Variants in KGD4 observed in about 807,000 individuals in gnomAD.
KGD4 encodes alpha-ketoglutarate dehydrogenase subunit 4, also known as alpha-ketoglutarate dehydrogenase component 4.
the KGD4 span, among the ~76,000 whole-genome samples, chr5:69,222,072 T>A: frequency 6.9e-6 from 1 of 144,012 alleles, no homozygotes; most frequent in Non-Finnish European, 1.5e-5. Flanking sequence ...AACTTACAAA[T>A]GGTTTATTCA....
chr5:69,225,154 G>C, the KGD4 span, among the ~76,000 whole-genome samples: 2 of 151,308 alleles, frequency 1.3e-5, no homozygotes, highest in African/African-American at 4.8e-5. Context: ...GCCCAGGCTG[G>C]AGTGCAGTGG....
At chr5:69,222,444 G>T in the KGD4 span, among the ~76,000 whole-genome samples, 2 of 152,190 alleles carry the variant, frequency 1.3e-5, no homozygotes, top group African/African-American at 2.4e-5. Context: ...GGAGCAATGG[G>T]TACATAAGAC....
chr5:69,226,197 C>T, the KGD4 span: 1 of 616,264 alleles, frequency 1.6e-6, no homozygotes, highest in Non-Finnish European at 2.9e-6. Flanking sequence ...ATTCATAGAC[C>T]AGCTTTCCTG....
At chr5:69,218,195 T>C in the KGD4 span, 1 of 366,378 alleles carries the variant, frequency 2.7e-6, no homozygotes, top group Non-Finnish European at 5.0e-6. Flanking sequence ...GAGGCGACCC[T>C]GGCGGTAGCC....
chr5:69,222,851 A>C, the KGD4 span, among the ~76,000 whole-genome samples: 23,028 of 151,174 alleles, frequency 0.15, 1,892 homozygotes, highest in African/African-American at 0.21. Context: ...CAGTGGCTCG[A>C]TCTCGGACTT....
At chr5:69,225,732 C>T in the KGD4 span, among the ~76,000 whole-genome samples, 1 of 152,032 alleles carries the variant, frequency 6.6e-6, no homozygotes, top group African/African-American at 2.4e-5. Flanking sequence ...AGGCACGCAT[C>T]ACCATGCCCA....
At chr5:69,226,231 G>T in the KGD4 span, 29 of 746,818 alleles carry the variant, frequency 3.9e-5, no homozygotes, top group East Asian at 7.0e-4. Flanking sequence ...ATAATTTAAA[G>T]TTGCTGTAAA....
chr5:69,221,213 G>A, the KGD4 span, among the ~76,000 whole-genome samples: 1 of 151,228 alleles, frequency 6.6e-6, no homozygotes, highest in Non-Finnish European at 1.5e-5. Flanking sequence ...AAATTAGCCA[G>A]GCAGGAGGGG....
the KGD4 span, among the ~76,000 whole-genome samples, chr5:69,222,222 A>T: frequency 6.6e-6 from 1 of 152,054 alleles, no homozygotes; most frequent in African/African-American, 2.4e-5. Context: ...CTCTGAAAAC[A>T]TAAGGAGAGT....
At chr5:69,219,819 G>C in the KGD4 span, among the ~76,000 whole-genome samples, 6 of 152,036 alleles carry the variant, frequency 3.9e-5, no homozygotes, top group African/African-American at 1.4e-4. Context: ...AGCAAGACCT[G>C]GTCTCGAAAA....
At chr5:69,220,767 AAGAG>A in the KGD4 span, among the ~76,000 whole-genome samples, 2 of 152,284 alleles carry the variant, frequency 1.3e-5, no homozygotes, top group African/African-American at 2.4e-5. Context: ...GGGGAAAAGA[AAGAG>A]AGATCAGATT....
the KGD4 span, among the ~76,000 whole-genome samples, chr5:69,219,056 C>A: frequency 6.6e-6 from 1 of 152,254 alleles, no homozygotes; most frequent in African/African-American, 2.4e-5. Flanking sequence ...TTAAAAGGTG[C>A]TCAATATCAT....
chr5:69,218,228 G>A, the KGD4 span: 1 of 280,450 alleles, frequency 3.6e-6, no homozygotes, highest in Non-Finnish European at 6.7e-6. Context: ...GTCTAGGATT[G>A]GCTGTGGTGC....
At chr5:69,220,714 T>C in the KGD4 span, among the ~76,000 whole-genome samples, 1 of 150,622 alleles carries the variant, frequency 6.6e-6, no homozygotes, top group East Asian at 2.0e-4. Flanking sequence ...GAACGGGCCA[T>C]GATGACGATG....
chr5:69,226,284 A>T, the KGD4 span: 16 of 1,252,816 alleles, frequency 1.3e-5, no homozygotes, highest in African/African-American at 1.5e-5. Context: ...GGTTTAGTAG[A>T]TCATTTCTTT....
the KGD4 span, among the ~76,000 whole-genome samples, chr5:69,225,037 G>A: frequency 2.7e-5 from 4 of 148,646 alleles, no homozygotes; most frequent in Non-Finnish European, 4.5e-5. Context: ...TCGTGCCGCT[G>A]CACTCCAGCC....
At chr5:69,228,539 G>T in the KGD4 span, 1 of 690,914 alleles carries the variant, frequency 1.4e-6, no homozygotes. Flanking sequence ...AAGACTATGA[G>T]AAAGAAACCA....
At chr5:69,229,271 A>G in the KGD4 span, 1 of 1,544,850 alleles carries the variant, frequency 6.5e-7, no homozygotes, top group Non-Finnish European at 8.9e-7. Context: ...TTGTCTTTAC[A>G]ATAAAGGACT....
At chr5:69,220,795 T>C in the KGD4 span, among the ~76,000 whole-genome samples, 4 of 152,158 alleles carry the variant, frequency 2.6e-5, no homozygotes, top group East Asian at 7.7e-4. Context: ...ACTGTGTCTG[T>C]GTAGAAAGAA....
Sources: allele counts gnomAD v4.1 joint callset (sites outside exome capture counted in the v4.1 genomes callset), GRCh38; gene constraint gnomAD v4.1.1; transcripts MANE v1.5; gene names NCBI Gene and HGNC (gene_info 2026-07-23, HGNC 2026-07-21).